The following CHD1L variants were observed in gnomAD, a reference collection of about 807,000 sequenced individuals.
CHD1L encodes the protein chromodomain helicase DNA binding protein 1 like.
Under a neutral mutation model 115.9 loss-of-function variants are expected in CHD1L, and 118 were observed. The observed-to-expected ratio is 1.02, with a 90% CI of 0.88 to 1.19. CHD1L has a LOEUF of 1.19. Ranked by LOEUF, CHD1L falls within the 50% of genes most tolerant of loss-of-function variation. The probability of loss-of-function intolerance (pLI) is 0.00; values close to 1 mark genes in which losing one functional copy is unlikely to be tolerated. For missense variants in CHD1L, 1,179 were observed against 1,065.3 expected, an observed-to-expected ratio of 1.11 and a Z score of -1.49; for synonymous variants, 411 against 387.1, an observed-to-expected ratio of 1.06 and a Z score of -0.72.
chr1:147,224,330 G>A, the CHD1L span: 1 of 172,616 alleles, frequency 5.8e-6, no homozygotes, highest in Non-Finnish European at 1.2e-5. Context: ...AAAGGTGAAA[G>A]AAGTTGCCAC....
At chr1:147,276,892 G>A (rs1678699466) in intron 14 of CHD1L, among the ~76,000 whole-genome samples, 1 of 152,174 alleles carries the variant, frequency 6.6e-6, no homozygotes, top group Admixed American at 6.5e-5. Flanking sequence ...GGGGCTGGAT[G>A]CAAAGAGACC....
At chr1:147,215,266 C>T in the CHD1L span, 2 of 152,276 alleles carry the variant, frequency 1.3e-5, no homozygotes, top group East Asian at 1.9e-4. Context: ...TTTTATTCTG[C>T]AATTCCATGT....
chr1:147,294,329 A>T (rs1042792275), intron 21 of CHD1L, 80 bp from the exon 22 acceptor site: 1 of 907,674 alleles, frequency 1.1e-6, no homozygotes, highest in Non-Finnish European at 1.7e-6. Context: ...ATAGTCAATA[A>T]TAATTTTCTC....
chr1:147,191,165 G>A, the CHD1L span, among the ~76,000 whole-genome samples: 1 of 152,120 alleles, frequency 6.6e-6, no homozygotes, highest in African/African-American at 2.4e-5. Context: ...TGTCTTTATA[G>A]CAGCATGATT....
the CHD1L span, chr1:147,213,477 A>C: frequency 6.3e-7 from 1 of 1,594,990 alleles, no homozygotes; most frequent in African/African-American, 1.3e-5. Flanking sequence ...TGGTCTGAAA[A>C]GAAAAGTGAT....
At chr1:147,280,217 A>T in intron 15 of CHD1L, 26 bp downstream of exon 15, 1 of 1,537,358 alleles carries the variant, frequency 6.5e-7, no homozygotes, top group Middle Eastern at 2.0e-4. Context: ...GAGCAGAGCA[A>T]ATGGCACAAC....
chr1:147,228,952 G>A, the CHD1L span, among the ~76,000 whole-genome samples: 34 of 151,134 alleles, frequency 2.2e-4, no homozygotes, highest in African/African-American at 3.9e-4. Flanking sequence ...TCTCCCATTC[G>A]GTAGGTTGCC....
the CHD1L span, among the ~76,000 whole-genome samples, chr1:147,190,930 G>A: frequency 2.6e-5 from 4 of 151,892 alleles, no homozygotes; most frequent in African/African-American, 4.8e-5. Context: ...GAGAACATGC[G>A]GTGTTTGGTT....
chr1:147,295,626 T>C lies in CHD1L; in HGVS notation c.*117T>C. Reference sequence around the variant, plus strand: ...CTGGTGGGCCTCAGAAATTGTCTCTTTTCTGAGTTTCAGTTTGGTTCTCCT... The same window carrying C: ...CTGGTGGGCCTCAGAAATTGTCTCTCTTCTGAGTTTCAGTTTGGTTCTCCT... On this transcript the variant is annotated 3_prime_UTR_variant, in exon 23 of 23. Coordinates refer to ENST00000369258, the MANE Select transcript of CHD1L (RefSeq NM_004284.6). 1.3e-6 allele frequency: 1 copy of C among 741,256 alleles called. No individual in the cohort carries two copies. Among genetic ancestry groups the C allele is most frequent in the South Asian group, 1.9e-5 (1 of 51,780 alleles). 45.9% of individuals were successfully genotyped at this position (741,256 alleles called of 1,614,324 possible).
At chr1:147,184,653 A>T in the CHD1L span, 2 of 1,506,542 alleles carry the variant, frequency 1.3e-6, no homozygotes, top group African/African-American at 2.8e-5. The surrounding 1 kb of genome is among the most constrained non-coding windows in gnomAD (Gnocchi z 4.4). Flanking sequence ...TTTTGAGAGG[A>T]ATACAACAGA....
At chr1:147,208,359 C>T in the CHD1L span, 1 of 152,484 alleles carries the variant, frequency 6.6e-6, no homozygotes, top group African/African-American at 2.4e-5. Context: ...ACCCACAGAC[C>T]AATAGATCTT....
chr1:147,244,667 G>T (rs1553932921), intron 1 of CHD1L, among the ~76,000 whole-genome samples: 7 of 151,840 alleles, frequency 4.6e-5, no homozygotes, highest in African/African-American at 1.4e-4. Flanking sequence ...GGAGTTTCAT[G>T]TACATTTTTT....
chr1:147,212,326 C>G, the CHD1L span: 18 of 1,547,784 alleles, frequency 1.2e-5, no homozygotes, highest in African/African-American at 2.3e-4. Context: ...TTGGGTCCAC[C>G]TGCAGCTTCC....
intron 14 of CHD1L, 46 bp downstream of exon 14, chr1:147,276,303 C>T (rs1553957966): frequency 1.9e-6 from 3 of 1,589,816 alleles, no homozygotes; most frequent in South Asian, 2.2e-5. Context: ...TACCAATACC[C>T]TTTGTGGAGG....
At chr1:147,290,498 A>G (rs1685090525) in intron 19 of CHD1L, among the ~76,000 whole-genome samples, 1 of 152,186 alleles carries the variant, frequency 6.6e-6, no homozygotes, top group Non-Finnish European at 1.5e-5. Flanking sequence ...GCAGTTGATG[A>G]GCAGATGTCT....
chr1:147,263,042 T>C (rs12029133), intron 6 of CHD1L, among the ~76,000 whole-genome samples: 109,993 of 152,012 alleles, frequency 0.72, 40,429 homozygotes, highest in African/African-American at 0.86. Flanking sequence ...TATACATACA[T>C]GTATGTAAAT....
At chr1:147,258,564 TCTC>T (rs1241540128) in intron 5 of CHD1L, among the ~76,000 whole-genome samples, 3 of 152,104 alleles carry the variant, frequency 2.0e-5, no homozygotes, top group African/African-American at 7.2e-5. Flanking sequence ...CACCCAACCT[TCTC>T]CTTCGACTTC....
chr1:147,272,186 G>GT lies in CHD1L; in HGVS notation c.1176dup (p.Val393CysfsTer15). ...CTCTGTAAAGGCTACAGCTATGAGCGTGTGGATGGTTCTGTGAGAGGAGAA... is the reference window on the plus strand; with the variant it reads ...CTCTGTAAAGGCTACAGCTATGAGCGTTGTGGATGGTTCTGTGAGAGGAGAA... On this transcript the variant is annotated frameshift_variant, in exon 12 of 23. Transcript: ENST00000369258. LOFTEE classifies it high-confidence loss of function. 1 of 1,613,662 alleles carries GT rather than the reference G, an allele frequency of 6.2e-7. No individual in the cohort carries two copies. Among genetic ancestry groups the GT allele is most frequent in the Non-Finnish European group, 8.5e-7 (1 of 1,179,610 alleles).
At chr1:147,245,713 A>G (rs1553933403) in intron 1 of CHD1L, among the ~76,000 whole-genome samples, 2 of 143,684 alleles carry the variant, frequency 1.4e-5, no homozygotes, top group Non-Finnish European at 3.0e-5. Flanking sequence ...TTTTTTTGAG[A>G]TAAGGTCTCA....
Sources: allele counts gnomAD v4.1 joint callset (sites outside exome capture counted in the v4.1 genomes callset), GRCh38; gene constraint gnomAD v4.1.1; non-coding constraint Gnocchi (gnomAD v3.1); transcripts MANE v1.5; gene names NCBI Gene and HGNC (gene_info 2026-07-23, HGNC 2026-07-21).